RYR3: variants seen among roughly 807,000 people sequenced by gnomAD.
RYR3 encodes the protein brain ryanodine receptor-calcium release channel.
Under a neutral mutation model 584.3 loss-of-function variants are expected in RYR3, and 207 were observed. That is an observed-to-expected ratio of 0.35 (90% confidence interval 0.32 to 0.40). The LOEUF (loss-of-function observed/expected upper bound fraction) is 0.40, where lower values mean the gene tolerates loss of function less well. Among genes scored for constraint, RYR3 ranks in the 10% least tolerant of loss-of-function variants. The pLI is 1.00. For missense variants in RYR3, 5,616 were observed against 6,089.2 expected (o/e 0.92, Z 2.59); for synonymous variants, 2,416 against 2,248.5 (o/e 1.07, Z -2.11).
chr15:33,494,952 A>T (rs2051289555), intron 2 of RYR3, among the ~76,000 whole-genome samples: 1 of 152,206 alleles, frequency 6.6e-6, no homozygotes, highest in African/African-American at 2.4e-5. Flanking sequence ...TTAAAATCAC[A>T]CATGTGGTCC....
At position 33,821,584 on chromosome 15, in the gene RYR3, C is replaced by G. The variant is rs1365718825; in HGVS notation, c.10977C>G (p.Gly3659=). Reference sequence around the variant, plus strand: ...TGGGGATCGCCATTCTGAACGGAGGCAATGCTGGTGTGCAACAGGTAACGG... The same window carrying G: ...TGGGGATCGCCATTCTGAACGGAGGGAATGCTGGTGTGCAACAGGTAACGG... ...LKLGIAILNG[G]NAGVQQKMLD... Residue 3659 remains glycine (G), a synonymous_variant, in exon 80 of 104, where the codon GGC becomes GGG. Coordinates refer to ENST00000634891, the MANE Select transcript of RYR3 (RefSeq NM_001036.6). 6.2e-7 allele frequency: 1 copy of G among 1,613,968 alleles called. No homozygotes were observed. Among genetic ancestry groups the G allele is most frequent in the Admixed American group, 1.7e-5 (1 of 60,030 alleles).
At chr15:33,462,506 A>C (rs1461753785) in intron 1 of RYR3, among the ~76,000 whole-genome samples, 2 of 152,220 alleles carry the variant, frequency 1.3e-5, no homozygotes, top group African/African-American at 4.8e-5. Flanking sequence ...GTATTGTTAG[A>C]AGATCTTGCT....
At position 33,663,700 on chromosome 15, in the gene RYR3, G is replaced by C. The variant is rs564412519; in HGVS notation, c.5582G>C (p.Arg1861Pro). The C allele has an allele frequency of 6.2e-7, 1 of 1,610,172 alleles. No homozygotes were observed. The highest frequency in any genetic ancestry group is 8.5e-7 in the Non-Finnish European group (1 of 1,178,704). Residue 1861 changes from arginine to proline, a missense_variant, in exon 36 of 104, where the codon CGG (arginine) becomes CCG (proline). Transcript: ENST00000634891. Reference sequence around the variant, plus strand: ...AACATGTCTGCGGCCCTGACTGCCCGGAAGACCAAGGAGTTCCGCTCACCC... The same window carrying C: ...AACATGTCTGCGGCCCTGACTGCCCCGAAGACCAAGGAGTTCCGCTCACCC... ...ALNMSAALTA[R>P]KTKEFRSPPQ...
intron 5 of RYR3, among the ~76,000 whole-genome samples, chr15:33,538,096 A>G (rs1008020702): frequency 3.9e-5 from 6 of 151,984 alleles, no homozygotes; most frequent in African/African-American, 1.2e-4. Context: ...ATTATTAATT[A>G]TAAGATTTTT....
chr15:33,662,783 T>C lies in RYR3; in HGVS notation c.5253T>C (p.Asp1751=). 6.2e-7 allele frequency: 1 copy of C among 1,613,922 alleles called. No homozygotes were observed. The highest frequency in any genetic ancestry group is 8.5e-7 in the Non-Finnish European group (1 of 1,179,912). ...DDVRQILLLI[D]PSVFGEHSAG... ...TTCGGCAGATCCTCCTCCTGATTGATCCCTCTGTGTTTGGGGAGCATAGTG... is the reference window on the plus strand; with the variant it reads ...TTCGGCAGATCCTCCTCCTGATTGACCCCTCTGTGTTTGGGGAGCATAGTG... Residue 1751 remains aspartate (D), a synonymous_variant, in exon 35 of 104, where the codon GAT becomes GAC. Coordinates refer to ENST00000634891, the MANE Select transcript of RYR3 (RefSeq NM_001036.6).
At chr15:33,736,420 T>C in intron 49 of RYR3, 95 bp downstream of exon 49, 4 of 830,142 alleles carry the variant, frequency 4.8e-6, no homozygotes, top group Non-Finnish European at 7.8e-6. Flanking sequence ...GAAAAATACA[T>C]GCTAAATGGG....
At chr15:33,676,267 G>A (rs1001409054) in intron 38 of RYR3, among the ~76,000 whole-genome samples, 3 of 148,656 alleles carry the variant, frequency 2.0e-5, no homozygotes, top group East Asian at 2.0e-4. Flanking sequence ...GCAAGGAAAT[G>A]GATTGTCTCC....
intron 1 of RYR3, among the ~76,000 whole-genome samples, chr15:33,374,686 G>A (rs1215701809): frequency 2.6e-5 from 4 of 152,172 alleles, no homozygotes; most frequent in Non-Finnish European, 4.4e-5. Context: ...GCTCTGAATG[G>A]TAATGAAATG....
At chr15:33,472,918 G>A (rs919916860) in intron 1 of RYR3, among the ~76,000 whole-genome samples, 1 of 151,804 alleles carries the variant, frequency 6.6e-6, no homozygotes, top group Non-Finnish European at 1.5e-5. Flanking sequence ...GCAAATATGC[G>A]GCCCACGACA....
intron 77 of RYR3, among the ~76,000 whole-genome samples, chr15:33,820,542 T>A (rs1325263881): frequency 6.6e-6 from 1 of 152,184 alleles, no homozygotes; most frequent in Non-Finnish European, 1.5e-5. Context: ...TGTTCTCATT[T>A]CTCATTTCTG....
intron 1 of RYR3, among the ~76,000 whole-genome samples, chr15:33,418,952 A>C (rs1317023441): frequency 6.6e-6 from 1 of 152,134 alleles, no homozygotes; most frequent in Non-Finnish European, 1.5e-5. Flanking sequence ...TTATTTCCAG[A>C]AGCTCCAAGG....
chr15:33,440,672 A>G (rs2046145168), intron 1 of RYR3, among the ~76,000 whole-genome samples: 1 of 152,154 alleles, frequency 6.6e-6, no homozygotes, highest in African/African-American at 2.4e-5. Flanking sequence ...ATTTCTATAT[A>G]TGTTGGGAGT....
At chr15:33,816,838 C>T in intron 74 of RYR3, 24 bp from the exon 75 acceptor site, 1 of 1,529,908 alleles carries the variant, frequency 6.5e-7, no homozygotes, top group Non-Finnish European at 9.0e-7. Context: ...CCCTCTTGAC[C>T]TCCCTCTCAC....
intron 86 of RYR3, among the ~76,000 whole-genome samples, chr15:33,834,285 A>AACACACACACACACACAC (rs61059288): frequency 6.4e-4 from 88 of 136,946 alleles, no homozygotes; most frequent in Middle Eastern, 6.9e-3. Context: ...ATCTGTCTTA[A>AACACACACACACACACAC]ACACACACAC....
rs1047111905 is a variant in RYR3, at chr15:33,616,333, A to G, written c.2357+2958A>G. On this transcript the variant is annotated intron_variant, in intron 19 of 103. Transcript: ENST00000634891. ...TCATCCCTTCCGTCTCCCTCAGAAC[A>G]GTGAGATAGGATCTTTGTGTCTGTG... Among the ~76,000 whole-genome samples the G allele has an allele frequency of 2.6e-5, 4 of 152,288 alleles. No homozygotes were observed. In the South Asian group the frequency reaches 8.3e-4, roughly 32 times the overall value.
chr15:33,669,857 G>GGGGGGGGGT (rs1555401713), intron 37 of RYR3, among the ~76,000 whole-genome samples: 4 of 60,214 alleles, frequency 6.6e-5, no homozygotes, highest in African/African-American at 7.0e-5. Flanking sequence ...GGGGGGGGGG[G>GGGGGGGGGT]GTGTGGGTGT....
chr15:33,698,038 G>A (rs1443676830), intron 40 of RYR3, 42 bp downstream of exon 40: 1 of 1,415,880 alleles, frequency 7.1e-7, no homozygotes, highest in Non-Finnish European at 1.0e-6. Context: ...TGTCCCTTGA[G>A]GCAGGAGCAC....
intron 49 of RYR3, among the ~76,000 whole-genome samples, chr15:33,736,555 A>G (rs1044860202): frequency 3.3e-5 from 5 of 152,176 alleles, no homozygotes; most frequent in Non-Finnish European, 4.4e-5. Flanking sequence ...TGACTGCTTG[A>G]TATTTAGCTG....
At chr15:33,514,721 G>T (rs553079221) in intron 3 of RYR3, among the ~76,000 whole-genome samples, 8 of 151,896 alleles carry the variant, frequency 5.3e-5, no homozygotes, top group Non-Finnish European at 8.8e-5. Flanking sequence ...CCAGTTGTTG[G>T]CCAGGAGCGG....
Sources: gnomAD v4.1 joint callset for allele counts (sites outside exome capture counted in the v4.1 genomes callset) on GRCh38, gnomAD v4.1.1 for gene constraint, MANE v1.5 for transcripts, NCBI Gene and HGNC (gene_info 2026-07-23, HGNC 2026-07-21) for gene names.